Variants in KCNC2 observed in about 807,000 individuals in gnomAD.
The protein encoded by KCNC2 is voltage-gated potassium channel KCNC2.
A neutral mutation model predicts 44.5 loss-of-function variants in KCNC2; 21 were observed. That is an observed-to-expected ratio of 0.47 (90% CI 0.33 to 0.68). The LOEUF is 0.68. KCNC2 is among the 30% of genes least tolerant of loss of function. KCNC2 has a pLI of 0.01. For synonymous variants in KCNC2, 391 were observed against 339.1 expected, an observed-to-expected ratio of 1.15 and a Z score of -1.68; for missense variants, 589 against 826.2, an observed-to-expected ratio of 0.71 and a Z score of 3.52.
chr12:75,196,226 G>T (rs148536034), intron 2 of KCNC2, among the ~76,000 whole-genome samples: 216 of 151,998 alleles, frequency 1.4e-3, no homozygotes, highest in Non-Finnish European at 2.9e-3. Context: ...TCACCTTGCC[G>T]CTTGCAATAT....
chr12:75,138,805 C>T (rs1211305880), intron 2 of KCNC2, among the ~76,000 whole-genome samples: 4 of 151,590 alleles, frequency 2.6e-5, no homozygotes, highest in African/African-American at 9.7e-5. Flanking sequence ...ACGGTGAAAC[C>T]CCGTCTCTAC....
Position 75,170,582 on chromosome 12 carries a change from TC to T in KCNC2, c.687+36714del, listed in dbSNP as rs143310177. Among the ~76,000 whole-genome samples, 71 of 151,932 alleles carry T rather than the reference TC, an allele frequency of 4.7e-4. 1 individual carries two copies. The East Asian group carries it at 0.013, about 29-fold the overall frequency. ...CCCAAAAAAAGTTCTTTAATTACAG[TC>T]CATATGTTAGTTTTTCTTCTCCAAT... On this transcript the variant is annotated intron_variant, in intron 2 of 4. Coordinates refer to ENST00000549446, the MANE Select transcript of KCNC2 (RefSeq NM_139137.4).
intron 2 of KCNC2, among the ~76,000 whole-genome samples, chr12:75,180,044 C>A (rs958312710): frequency 3.3e-5 from 5 of 151,772 alleles, no homozygotes; most frequent in African/African-American, 1.2e-4. Context: ...TTATTATTTT[C>A]TTTCCTATGT....
chr12:75,170,700 T>C (rs947510436), intron 2 of KCNC2, among the ~76,000 whole-genome samples: 1 of 151,182 alleles, frequency 6.6e-6, no homozygotes, highest in African/African-American at 2.4e-5. Flanking sequence ...TGTTGAACTT[T>C]TTTTCTTTCC....
At chr12:75,143,885 T>C (rs1400398213) in intron 2 of KCNC2, among the ~76,000 whole-genome samples, 2 of 152,206 alleles carry the variant, frequency 1.3e-5, no homozygotes, top group African/African-American at 4.8e-5. Flanking sequence ...ATTAGACATG[T>C]AAAACTAATT....
At chr12:75,169,079 A>T (rs893444565) in intron 2 of KCNC2, among the ~76,000 whole-genome samples, 1 of 151,524 alleles carries the variant, frequency 6.6e-6, no homozygotes, top group Non-Finnish European at 1.5e-5. Flanking sequence ...CTCTCCACTA[A>T]GTAATTTATT....
intron 2 of KCNC2, among the ~76,000 whole-genome samples, chr12:75,164,458 G>A (rs1891317586): frequency 6.6e-6 from 1 of 151,624 alleles, no homozygotes; most frequent in Non-Finnish European, 1.5e-5. Flanking sequence ...ACATTAACTG[G>A]AAATTTCCAA....
At chr12:75,051,758 T>C (rs903441785) in intron 2 of KCNC2, among the ~76,000 whole-genome samples, 25 of 152,100 alleles carry the variant, frequency 1.6e-4, no homozygotes, top group African/African-American at 6.0e-4. Context: ...GATAGAAATT[T>C]GGAAGCTACC....
At chr12:75,138,484 C>T (rs916903047) in intron 2 of KCNC2, among the ~76,000 whole-genome samples, 7 of 152,120 alleles carry the variant, frequency 4.6e-5, no homozygotes, top group Non-Finnish European at 8.8e-5. Context: ...AATTTCTGGA[C>T]ACCCCAGGAA....
rs61932914 is a variant in KCNC2 at position 75,207,663 on chromosome 12, G to A, written c.321C>T (p.His107=). Residue 107 remains histidine, a synonymous_variant, in exon 2 of 5, where the codon CAC becomes CAT. Coordinates refer to ENST00000549446, the MANE Select transcript of KCNC2 (RefSeq NM_139137.4). This position sits in a 1 kb window ranked among gnomAD's most constrained non-coding sequence, Gnocchi z 4.1. ...TGAGCACATAGGCGAAGACGCCCGG[G>A]TGCCGGTCGAAGAAGAACTCGCGGC... ...GGGREFFFDR[H]PGVFAYVLNY... 0.071 allele frequency: 114,310 copies of A among 1,610,332 alleles called. 4,785 individuals are homozygous for A. Among genetic ancestry groups the A allele is most frequent in the Admixed American group, 0.16 (9,481 of 59,796 alleles).
At chr12:75,097,478 T>C (rs1886030330) in intron 2 of KCNC2, among the ~76,000 whole-genome samples, 1 of 152,106 alleles carries the variant, frequency 6.6e-6, no homozygotes, top group South Asian at 2.1e-4. Flanking sequence ...ATGCTGATAA[T>C]AGAGGAAAAT....
intron 2 of KCNC2, among the ~76,000 whole-genome samples, chr12:75,152,335 TAA>T (rs1411446161): frequency 6.6e-6 from 1 of 150,930 alleles, no homozygotes; most frequent in Non-Finnish European, 1.5e-5. Flanking sequence ...ACACAAAAAA[TAA>T]ACAAAAACAC....
At chr12:75,116,743 A>G (rs1175612223) in intron 2 of KCNC2, among the ~76,000 whole-genome samples, 1 of 152,206 alleles carries the variant, frequency 6.6e-6, no homozygotes, top group Non-Finnish European at 1.5e-5. Context: ...CTGTCCTGGC[A>G]GTCTCAGCCT....
At chr12:75,120,772 C>A (rs1308407862) in intron 2 of KCNC2, among the ~76,000 whole-genome samples, 4 of 152,144 alleles carry the variant, frequency 2.6e-5, no homozygotes, top group Non-Finnish European at 5.9e-5. Context: ...TTGAGAGGGG[C>A]TCCATAGTAT....
chr12:75,147,221 T>C (rs1890085907), intron 2 of KCNC2, among the ~76,000 whole-genome samples: 1 of 152,170 alleles, frequency 6.6e-6, no homozygotes, highest in Non-Finnish European at 1.5e-5. Flanking sequence ...AAACAAAATG[T>C]GTGCAAGGTA....
intron 2 of KCNC2, among the ~76,000 whole-genome samples, chr12:75,061,612 C>T (rs941900995): frequency 2.6e-5 from 3 of 115,954 alleles, no homozygotes; most frequent in Non-Finnish European, 5.6e-5. Flanking sequence ...CACACACACA[C>T]AAAACACAGA....
intron 2 of KCNC2, among the ~76,000 whole-genome samples, chr12:75,204,730 G>T (rs571618142): frequency 6.6e-6 from 1 of 152,188 alleles, no homozygotes; most frequent in East Asian, 1.9e-4. Context: ...AAACTAGTCA[G>T]ATAACGTTGT....
intron 2 of KCNC2, among the ~76,000 whole-genome samples, chr12:75,133,118 T>C (rs1592938412): frequency 6.6e-6 from 1 of 152,042 alleles, no homozygotes; most frequent in Non-Finnish European, 1.5e-5. Context: ...AAATATTTAA[T>C]AATTATTTTA....
At chr12:75,043,635 C>T (rs1054562348) in intron 4 of KCNC2, 6 of 1,228,464 alleles carry the variant, frequency 4.9e-6, no homozygotes, top group East Asian at 6.3e-5. Context: ...AAGTAGGCTA[C>T]TTTTTCTCTT....
Sources: allele counts gnomAD v4.1 joint callset (sites outside exome capture counted in the v4.1 genomes callset), GRCh38; gene constraint gnomAD v4.1.1; non-coding constraint Gnocchi (gnomAD v3.1); transcripts MANE v1.5; gene names NCBI Gene and HGNC (gene_info 2026-07-23, HGNC 2026-07-21).